RAE1: variants seen among roughly 807,000 people sequenced by gnomAD.
RAE1 encodes the protein ribonucleic acid export 1.
In RAE1, 13 loss-of-function variants were observed where a neutral mutation model predicts 52.7. That is an observed-to-expected ratio of 0.25 (90% CI 0.16 to 0.39). RAE1 has a LOEUF of 0.39. RAE1 is among the 10% of genes least tolerant of loss of function. The pLI, the probability that RAE1 is intolerant of heterozygous loss-of-function variation, is 1.00. For missense variants in RAE1, 262 were observed against 459.8 expected (o/e 0.57, Z 3.93); for synonymous variants, 164 against 153.1 (o/e 1.07, Z -0.52).
intron 8 of RAE1, chr20:57,371,797 A>G (rs1003478705): frequency 3.9e-5 from 6 of 152,256 alleles, no homozygotes; most frequent in Non-Finnish European, 7.3e-5. Flanking sequence ...AAGTGAACAG[A>G]TAAAGAAAAT....
rs6070084 is a variant in RAE1, at chr20:57,367,210, G to A, written c.534+131G>A. 5,691 of 810,136 alleles carry A rather than the reference G, an allele frequency of 7.0e-3. 35 individuals are homozygous for A. The highest frequency in any genetic ancestry group is 9.2e-3 in the Non-Finnish European group (4,824 of 525,246). The allele number at this position is 810,136 out of a possible 1,614,324, so 50.2% of individuals were successfully genotyped here. A position where few individuals can be genotyped will look rare whatever the true frequency, so the allele number is the denominator to read the frequency against. ...GCTAGCTTTAGTAATAGATATAAAGGATCGAGTTGAGATTGCCTCAGTCGT... is the reference window on the plus strand; with the variant it reads ...GCTAGCTTTAGTAATAGATATAAAGAATCGAGTTGAGATTGCCTCAGTCGT... On this transcript the variant is annotated intron_variant, in intron 7 of 11. Transcript: ENST00000395841.
At chr20:57,353,479 G>T (rs369316864) in intron 1 of RAE1, among the ~76,000 whole-genome samples, 2 of 152,196 alleles carry the variant, frequency 1.3e-5, no homozygotes, top group Non-Finnish European at 2.9e-5. Context: ...CACGATGCCC[G>T]ACCTTTTTAA....
At position 57,378,154 on chromosome 20, in the gene RAE1, T is replaced by G; in HGVS notation, c.*55T>G. 7 of 1,391,512 alleles carry G rather than the reference T, an allele frequency of 5.0e-6. No individual in the cohort carries two copies. The highest frequency in any genetic ancestry group is 3.8e-5 in the South Asian group (3 of 78,182). The allele number at this position is 1,391,512 out of a possible 1,614,324, so 86.2% of individuals were successfully genotyped here. On this transcript the variant is annotated 3_prime_UTR_variant, in exon 12 of 12. Transcript: ENST00000395841. ...GTTTCTCTCCACTCTGCCTCATCTCTGTACGAATTTGGGTCCCAGCCTTGT... is the reference window on the plus strand; with the variant it reads ...GTTTCTCTCCACTCTGCCTCATCTCGGTACGAATTTGGGTCCCAGCCTTGT...
At chr20:57,376,400 G>A (rs560176995) in intron 11 of RAE1, among the ~76,000 whole-genome samples, 52 of 152,112 alleles carry the variant, frequency 3.4e-4, no homozygotes, top group Middle Eastern at 3.4e-3. Context: ...CTTCCCTTAC[G>A]CACACACAAA....
rs1430177903 is a variant in RAE1 at position 57,368,770 on chromosome 20, A to G, written c.600A>G (p.Gln200=). The G allele has an allele frequency of 6.2e-7, 1 of 1,613,642 alleles. No homozygotes were observed. The highest frequency in any genetic ancestry group is 2.2e-5 in the East Asian group (1 of 44,884). The change falls in exon 8 of 12, where the codon CAA becomes CAG. Residue 200 remains glutamine, a synonymous_variant. Coordinates refer to ENST00000395841, the MANE Select transcript of RAE1 (RefSeq NM_003610.4). ...TGATTGTCTATCAGCTAGAGAATCA[A>G]CCTTCTGAATTCAGGAGGATAGAAT... The part of the protein sequence containing the change: ...RGLIVYQLEN[Q]PSEFRRIESP...
At chr20:57,375,043 T>G (rs1387030403) in intron 11 of RAE1, 6 of 705,338 alleles carry the variant, frequency 8.5e-6, no homozygotes, top group Non-Finnish European at 1.5e-5. Context: ...CATTACGGGC[T>G]GCTCTGTTCC....
intron 4 of RAE1, among the ~76,000 whole-genome samples, chr20:57,364,908 A>G (rs547531285): frequency 6.6e-5 from 10 of 152,228 alleles, no homozygotes; most frequent in Admixed American, 5.2e-4. Flanking sequence ...TGTGTTTTGT[A>G]TATAGAGAGA....
rs373344415 is a variant in RAE1, at chr20:57,368,816, C to T, written c.642+4C>T. 7.9e-5 allele frequency: 126 copies of T among 1,599,662 alleles called. No individual in the cohort carries two copies. In the Middle Eastern group the frequency reaches 8.2e-4, roughly 10 times the overall value. ...AGAATCTCCACTGAAACATCAGGTG[C>T]GTCATTAGTCAAATCAAGAAGTATG... On this transcript the variant is annotated splice_donor_region_variant and intron_variant, in intron 8 of 11. Transcript: ENST00000395841.
intron 1 of RAE1, among the ~76,000 whole-genome samples, chr20:57,352,735 A>G (rs184947638): frequency 2.0e-5 from 3 of 152,308 alleles, no homozygotes; most frequent in East Asian, 3.9e-4. Context: ...TTTAGTTCTC[A>G]TAACTCTGTG....
At chr20:57,356,996 CTGGTGG>C (rs1212431811) in intron 4 of RAE1, among the ~76,000 whole-genome samples, 217 of 152,348 alleles carry the variant, frequency 1.4e-3, no homozygotes, top group African/African-American at 5.0e-3. Context: ...GCCATTGCTG[CTGGTGG>C]CTGAACCCAA....
At chr20:57,360,870 A>T (rs2066881747) in intron 4 of RAE1, among the ~76,000 whole-genome samples, 1 of 152,196 alleles carries the variant, frequency 6.6e-6, no homozygotes, top group African/African-American at 2.4e-5. Flanking sequence ...GCATTTGTGC[A>T]TGCTTGATAC....
At position 57,374,660 on chromosome 20, in the gene RAE1, T is replaced by C; in HGVS notation, c.879T>C (p.Ser293=). 1 of 1,614,230 alleles carries C rather than the reference T, an allele frequency of 6.2e-7. No homozygotes were observed. Among genetic ancestry groups the C allele is most frequent in the African/African-American group, 1.3e-5 (1 of 75,072 alleles). The stretch of plus-strand genomic sequence containing the variant: ...ATGGCACCCTTGCAACTGTGGGATC[T>C]GATGGTAGATTCAGCTTCTGGGACA... ...PVHGTLATVG[S]DGRFSFWDKD... Residue 293 remains serine, a synonymous_variant, in exon 11 of 12, where the codon TCT becomes TCC. Coordinates refer to ENST00000395841, the MANE Select transcript of RAE1 (RefSeq NM_003610.4).
intron 5 of RAE1, among the ~76,000 whole-genome samples, 155 bp from the exon 6 acceptor site, chr20:57,366,652 A>G (rs915980076): frequency 6.6e-6 from 1 of 152,238 alleles, no homozygotes; most frequent in African/African-American, 2.4e-5. Context: ...TCTGTCAGTG[A>G]GGAAGGATTG....
At position 57,378,694 on chromosome 20, in the gene RAE1, C is replaced by G. The variant is rs1015794256; in HGVS notation, c.*595C>G. 6.6e-6 allele frequency: 1 copy of G among 152,326 alleles called. No individual in the cohort carries two copies. Among genetic ancestry groups the G allele is most frequent in the African/African-American group, 2.4e-5 (1 of 41,438 alleles). The allele number at this position is 152,326 out of a possible 1,614,324, so 9.4% of individuals were successfully genotyped here. On this transcript the variant is annotated 3_prime_UTR_variant, in exon 12 of 12. Coordinates refer to ENST00000395841, the MANE Select transcript of RAE1 (RefSeq NM_003610.4). ...GTGTTTTTCCTTGCTTCCCTCATTC[C>G]CATCTTCAAAATCCCCAGTGCTTTC...
intron 3 of RAE1, 26 bp from the exon 4 acceptor site, chr20:57,356,420 T>A: frequency 6.3e-7 from 1 of 1,579,512 alleles, no homozygotes; most frequent in Middle Eastern, 1.7e-4. Context: ...TTGCTTTGTT[T>A]GCATTGAATT....
At chr20:57,365,506 A>C (rs1053868206) in intron 5 of RAE1, 64 bp downstream of exon 5, 9 of 1,126,106 alleles carry the variant, frequency 8.0e-6, no homozygotes, top group African/African-American at 4.8e-5. Flanking sequence ...TGGCTCTTTA[A>C]GTGAAATAAT....
At chr20:57,374,853 C>CT in intron 11 of RAE1, 52 bp downstream of exon 11, 2 of 1,604,660 alleles carry the variant, frequency 1.2e-6, no homozygotes, top group South Asian at 2.2e-5. Context: ...GAGCCAGGCT[C>CT]TGGGTTCAGA....
At chr20:57,359,097 A>G in intron 4 of RAE1, 2 of 1,270,392 alleles carry the variant, frequency 1.6e-6, no homozygotes, top group Non-Finnish European at 2.1e-6. Flanking sequence ...CGGTCAGGAT[A>G]CCACAGCTGT....
intron 4 of RAE1, chr20:57,357,337 A>G (rs1306197036): frequency 2.0e-5 from 3 of 152,194 alleles, no homozygotes; most frequent in Non-Finnish European, 4.4e-5. Context: ...CTTTTACAAG[A>G]GTATCATCTA....
Sources: gnomAD v4.1 joint callset for allele counts (sites outside exome capture counted in the v4.1 genomes callset) on GRCh38, gnomAD v4.1.1 for gene constraint, MANE v1.5 for transcripts, NCBI Gene and HGNC (gene_info 2026-07-23, HGNC 2026-07-21) for gene names.